Variants in TTC28 observed in about 807,000 individuals in gnomAD.
The protein encoded by TTC28 is tetratricopeptide repeat domain 28, also known as tetratricopeptide repeat protein 28.
A neutral mutation model predicts 198.0 loss-of-function variants in TTC28; 61 were observed. The ratio of observed to expected loss-of-function variants is 0.31; its 90% confidence interval spans 0.25 to 0.38. The LOEUF is 0.38. Ranked by LOEUF, TTC28 falls within the 10% of genes least tolerant of loss-of-function variation. The pLI is 1.00. For synonymous variants in TTC28, 1,171 were observed against 1,297.8 expected, an observed-to-expected ratio of 0.90 and a Z score of 2.10; for missense variants, 2,678 against 3,164.0, an observed-to-expected ratio of 0.85 and a Z score of 3.69.
At chr22:28,188,458 G>A (rs1002254624) in intron 5 of TTC28, among the ~76,000 whole-genome samples, 12 of 152,088 alleles carry the variant, frequency 7.9e-5, no homozygotes, top group African/African-American at 2.7e-4. Flanking sequence ...TCAGGGGAAG[G>A]GGTACAGGTC....
At chr22:28,590,421 GC>G (rs2050407400) in intron 2 of TTC28, among the ~76,000 whole-genome samples, 1 of 151,962 alleles carries the variant, frequency 6.6e-6, no homozygotes, top group African/African-American at 2.4e-5. Flanking sequence ...GAGCCACCAC[GC>G]CCAGCCTCCA....
intron 2 of TTC28, among the ~76,000 whole-genome samples, chr22:28,443,747 G>C (rs755092647): frequency 7.2e-5 from 11 of 152,026 alleles, no homozygotes; most frequent in Non-Finnish European, 1.3e-4. Context: ...CACGACATCT[G>C]CTCCAACACA....
intron 2 of TTC28, among the ~76,000 whole-genome samples, chr22:28,620,117 C>T (rs924623217): frequency 1.3e-4 from 19 of 151,972 alleles, no homozygotes; most frequent in Non-Finnish European, 2.5e-4. Context: ...TCTGGGAGGT[C>T]GAGGCAGGTG....
chr22:28,518,230 T>G lies in TTC28; in HGVS notation c.381+111322A>C, dbSNP rs576638187. ...AAGACTGCTTTAGTGTTGAGCTGCA[T>G]GGGGTTTGGAGAACTGAGATGTTAT... On this transcript the variant is annotated intron_variant, in intron 2 of 22. Coordinates refer to ENST00000397906, the MANE Select transcript of TTC28 (RefSeq NM_001145418.2). Among the ~76,000 whole-genome samples the G allele has an allele frequency of 7.9e-4, 120 of 152,340 alleles. 2 individuals carry two copies. In the South Asian group the frequency reaches 0.021, roughly 27 times the overall value.
At chr22:28,662,244 C>G (rs2051760721) in intron 1 of TTC28, among the ~76,000 whole-genome samples, 1 of 152,050 alleles carries the variant, frequency 6.6e-6, no homozygotes, top group Admixed American at 6.6e-5. Context: ...TAACAATATC[C>G]ACAGGGAAAT....
At chr22:28,485,804 A>G (rs1601457220) in intron 2 of TTC28, among the ~76,000 whole-genome samples, 1 of 152,150 alleles carries the variant, frequency 6.6e-6, no homozygotes. Flanking sequence ...TACTCAAGCC[A>G]TTTCCTGAAA....
chr22:28,395,953 C>T (rs1193565718), intron 2 of TTC28, among the ~76,000 whole-genome samples: 3 of 152,112 alleles, frequency 2.0e-5, no homozygotes, highest in Non-Finnish European at 1.5e-5. Context: ...ATGACTAATG[C>T]AGACAAATAA....
At chr22:28,674,477 T>C (rs1329206492) in intron 1 of TTC28, among the ~76,000 whole-genome samples, 1 of 152,140 alleles carries the variant, frequency 6.6e-6, no homozygotes, top group Non-Finnish European at 1.5e-5. Context: ...TTCTTTGGAA[T>C]GGATATTACT....
At chr22:28,586,836 C>T (rs373268104) in intron 2 of TTC28, among the ~76,000 whole-genome samples, 14 of 152,024 alleles carry the variant, frequency 9.2e-5, no homozygotes, top group African/African-American at 2.7e-4. Context: ...GATATCTATA[C>T]AATTTTCAGC....
rs1927399231 is a variant in TTC28 at position 28,216,348 on chromosome 22, A to C, written c.934-52749T>G. Among the ~76,000 whole-genome samples the C allele has an allele frequency of 2.6e-5, 4 of 152,212 alleles. No individual in the cohort carries two copies. The South Asian group carries it at 8.3e-4, about 32-fold the overall frequency. ...CAATGAGTGGGAGTGCAAAGAAAGTAAGAAAAGCCTTCAAAGAGGAGGTAA... is the reference window on the plus strand; with the variant it reads ...CAATGAGTGGGAGTGCAAAGAAAGTCAGAAAAGCCTTCAAAGAGGAGGTAA... On this transcript the variant is annotated intron_variant, in intron 5 of 22. Transcript: ENST00000397906.
chr22:28,246,787 T>C (rs990695061), intron 5 of TTC28, among the ~76,000 whole-genome samples: 2 of 152,080 alleles, frequency 1.3e-5, no homozygotes, highest in Non-Finnish European at 2.9e-5. Flanking sequence ...CTTAGTGTGC[T>C]ATGGGGCCTC....
At chr22:28,412,969 G>A (rs1487276766) in intron 2 of TTC28, among the ~76,000 whole-genome samples, 1 of 152,126 alleles carries the variant, frequency 6.6e-6, no homozygotes, top group Admixed American at 6.5e-5. Context: ...TTTTCACAAT[G>A]AAATATTTAC....
At chr22:28,472,592 G>A (rs1009051898) in intron 2 of TTC28, among the ~76,000 whole-genome samples, 1 of 143,234 alleles carries the variant, frequency 7.0e-6, no homozygotes, top group African/African-American at 2.6e-5. Context: ...GTGTGTGTGT[G>A]TATCCTCAAA....
chr22:27,989,735 CTG>C (rs879218081), intron 21 of TTC28, 141 bp downstream of exon 21: 1 of 1,145,416 alleles, frequency 8.7e-7, no homozygotes, highest in South Asian at 1.7e-5. Context: ...GCGTGAGCCA[CTG>C]TACCCAGCCT....
At chr22:28,212,099 C>G (rs1260214450) in intron 5 of TTC28, among the ~76,000 whole-genome samples, 1 of 152,050 alleles carries the variant, frequency 6.6e-6, no homozygotes, top group Non-Finnish European at 1.5e-5. Flanking sequence ...ACACAACATG[C>G]CAGAATCTCT....
chr22:28,214,118 C>T lies in TTC28; in HGVS notation c.934-50519G>A, dbSNP rs1482850114. 5.9e-5 allele frequency among the ~76,000 whole-genome samples: 9 copies of T among 152,188 alleles called. No individual in the cohort carries two copies. In the East Asian group the frequency reaches 1.2e-3, roughly 20 times the overall value. ...CTGGATCCCTTCCTTATACCTTATACAAAAATTAATTCAAGATGGGATAAA... is the reference window on the plus strand; with the variant it reads ...CTGGATCCCTTCCTTATACCTTATATAAAAATTAATTCAAGATGGGATAAA... On this transcript the variant is annotated intron_variant, in intron 5 of 22. Transcript: ENST00000397906.
chr22:27,990,397 G>A (rs1022062378), intron 20 of TTC28, among the ~76,000 whole-genome samples: 4 of 152,142 alleles, frequency 2.6e-5, no homozygotes, highest in Admixed American at 1.3e-4. Context: ...AGTGGAACCC[G>A]GTTACATCTT....
intron 2 of TTC28, among the ~76,000 whole-genome samples, chr22:28,530,079 GGCTT>G (rs2040107615): frequency 6.6e-6 from 1 of 152,220 alleles, no homozygotes. Flanking sequence ...GAGAGAAGAA[GGCTT>G]CAGATGATCG....
rs144823869 is a variant in TTC28 at position 28,432,067 on chromosome 22, C to T, written c.382-125424G>A. On this transcript the variant is annotated intron_variant, in intron 2 of 22. Transcript: ENST00000397906. ...TTGGGAGGCCGAGGTGGGCGGATCACGAAGTCAGGAGATCGAGACCATCCT... is the reference window on the plus strand; with the variant it reads ...TTGGGAGGCCGAGGTGGGCGGATCATGAAGTCAGGAGATCGAGACCATCCT... 1.1e-3 allele frequency among the ~76,000 whole-genome samples: 171 copies of T among 152,046 alleles called. No individual in the cohort carries two copies. The East Asian group carries it at 0.029, about 26-fold the overall frequency.
Sources: gnomAD v4.1 joint callset for allele counts (sites outside exome capture counted in the v4.1 genomes callset) on GRCh38, gnomAD v4.1.1 for gene constraint, MANE v1.5 for transcripts, NCBI Gene and HGNC (gene_info 2026-07-23, HGNC 2026-07-21) for gene names.